The following NBAS variants were observed in gnomAD, a reference collection of about 807,000 sequenced individuals.
NBAS encodes NAG/BC035112 fusion.
A neutral mutation model predicts 302.5 loss-of-function variants in NBAS; 219 were observed. That is an observed-to-expected ratio of 0.72 (90% CI 0.65 to 0.81). NBAS has a LOEUF of 0.81. NBAS is among the 30% of genes least tolerant of loss of function. The pLI is 0.00. For missense variants in NBAS, 2,932 were observed against 2,841.6 expected (o/e 1.03, Z -0.72); for synonymous variants, 1,118 against 1,021.6 (o/e 1.09, Z -1.80).
chr2:15,528,899 G>GTGTGTATATATATATATATA (rs70961417), intron 9 of NBAS, among the ~76,000 whole-genome samples: 24 of 122,242 alleles, frequency 2.0e-4, no homozygotes, highest in African/African-American at 4.0e-4. Context: ...ATATATATAT[G>GTGTGTATATATATATATATA]TGTGTATATA....
chr2:15,258,209 G>A (rs749237817), intron 44 of NBAS, among the ~76,000 whole-genome samples: 43 of 151,944 alleles, frequency 2.8e-4, no homozygotes, highest in African/African-American at 8.0e-4. Flanking sequence ...TGTTATCTTC[G>A]TAAGCTGAGG....
chr2:15,114,435 C>A, the NBAS span, among the ~76,000 whole-genome samples: 1 of 152,122 alleles, frequency 6.6e-6, no homozygotes, highest in Non-Finnish European at 1.5e-5. Flanking sequence ...CTAATAAGCT[C>A]ATTTTAACTT....
At chr2:15,504,642 T>C (rs1183354454) in intron 10 of NBAS, among the ~76,000 whole-genome samples, 1 of 152,176 alleles carries the variant, frequency 6.6e-6, no homozygotes, top group African/African-American at 2.4e-5. Context: ...AATCAGTGCA[T>C]AAAATAATTT....
chr2:15,295,021 G>GC (rs1173071036), intron 40 of NBAS, among the ~76,000 whole-genome samples: 1 of 152,154 alleles, frequency 6.6e-6, no homozygotes. Flanking sequence ...CATAGAACCA[G>GC]CTACCTTAGT....
chr2:15,370,259 T>C (rs943346833), intron 31 of NBAS, among the ~76,000 whole-genome samples: 3 of 152,092 alleles, frequency 2.0e-5, no homozygotes, highest in Non-Finnish European at 4.4e-5. Context: ...CTTGATTTCA[T>C]CATCTGAACA....
At chr2:14,959,272 A>G in the NBAS span, among the ~76,000 whole-genome samples, 1 of 152,210 alleles carries the variant, frequency 6.6e-6, no homozygotes, top group Non-Finnish European at 1.5e-5. Flanking sequence ...GTACATTGAG[A>G]CATGCTATAC....
chr2:15,159,482 G>A, the NBAS span, among the ~76,000 whole-genome samples: 1 of 152,136 alleles, frequency 6.6e-6, no homozygotes, highest in Non-Finnish European at 1.5e-5. Context: ...CGAAACTTGA[G>A]AACACTGCTA....
At chr2:15,559,783 G>A (rs1042827584) in intron 1 of NBAS, among the ~76,000 whole-genome samples, 2 of 152,180 alleles carry the variant, frequency 1.3e-5, no homozygotes, top group African/African-American at 2.4e-5. Context: ...AGTTAATTCT[G>A]TGGTTACTTT....
chr2:15,134,531 G>C, the NBAS span, among the ~76,000 whole-genome samples: 2 of 152,080 alleles, frequency 1.3e-5, no homozygotes, highest in Non-Finnish European at 2.9e-5. Context: ...CTCCTCGAAG[G>C]CAAGATGATC....
At chr2:15,065,957 C>T in the NBAS span, among the ~76,000 whole-genome samples, 1 of 152,044 alleles carries the variant, frequency 6.6e-6, no homozygotes, top group Non-Finnish European at 1.5e-5. Context: ...AAGTTGGAGG[C>T]CTCATACTTC....
chr2:15,312,058 A>G (rs940084355), intron 38 of NBAS, among the ~76,000 whole-genome samples: 4 of 151,898 alleles, frequency 2.6e-5, no homozygotes, highest in African/African-American at 9.7e-5. Flanking sequence ...TTTTCTCTTA[A>G]ATCTCACTGT....
At chr2:15,081,340 G>A in the NBAS span, among the ~76,000 whole-genome samples, 16,490 of 151,980 alleles carry the variant, frequency 0.11, 2,338 homozygotes, top group African/African-American at 0.32. Context: ...TGCCCAAGAC[G>A]GTGTGCTCAG....
the NBAS span, among the ~76,000 whole-genome samples, chr2:14,974,913 G>C: frequency 1.2e-4 from 19 of 152,298 alleles, no homozygotes; most frequent in African/African-American, 4.3e-4. Context: ...TTCTCTAGCT[G>C]GTGGCAGAAG....
chr2:15,158,908 A>G, the NBAS span, among the ~76,000 whole-genome samples: 1 of 152,090 alleles, frequency 6.6e-6, no homozygotes, highest in Admixed American at 6.5e-5. Context: ...GGCCCCCTGC[A>G]CCCTGCTGTC....
chr2:15,344,114 C>A (rs1672980026), intron 35 of NBAS, among the ~76,000 whole-genome samples: 1 of 151,156 alleles, frequency 6.6e-6, no homozygotes, highest in Non-Finnish European at 1.5e-5. Context: ...GAATAGCCAG[C>A]CAATAAGCAC....
downstream of NBAS, among the ~76,000 whole-genome samples, chr2:15,164,309 C>A (rs1276990884): frequency 6.6e-6 from 1 of 152,218 alleles, no homozygotes; most frequent in Non-Finnish European, 1.5e-5. Context: ...AGCAGAGGGA[C>A]CTAGAAGTGC....
At chr2:14,911,501 A>G in the NBAS span, among the ~76,000 whole-genome samples, 6 of 152,178 alleles carry the variant, frequency 3.9e-5, no homozygotes, top group East Asian at 9.6e-4. Context: ...ACCCAGTGGC[A>G]GTACAGGATA....
the NBAS span, among the ~76,000 whole-genome samples, chr2:15,081,232 G>A: frequency 6.6e-6 from 1 of 152,042 alleles, no homozygotes; most frequent in African/African-American, 2.4e-5. Context: ...TTTTGACTTG[G>A]TGCTATCCCT....
intron 9 of NBAS, among the ~76,000 whole-genome samples, chr2:15,530,849 G>A (rs1241594657): frequency 6.6e-6 from 1 of 151,706 alleles, no homozygotes; most frequent in African/African-American, 2.4e-5. Context: ...ATAAACCTAC[G>A]CCAAGTCATA....
Sources: allele counts gnomAD v4.1 joint callset (sites outside exome capture counted in the v4.1 genomes callset), GRCh38; gene constraint gnomAD v4.1.1; transcripts MANE v1.5; gene names NCBI Gene and HGNC (gene_info 2026-07-23, HGNC 2026-07-21).